CIAO1: variants seen among roughly 807,000 people sequenced by gnomAD.
The protein encoded by CIAO1 is probable cytosolic iron-sulfur protein assembly protein CIAO1.
In CIAO1, 32 loss-of-function variants were observed where a neutral mutation model predicts 43.1. The observed-to-expected ratio is 0.74, with a 90% CI of 0.56 to 1.00. CIAO1 has a LOEUF of 1.00. Among genes scored for constraint, CIAO1 ranks in the 50% least tolerant of loss-of-function variants. CIAO1 has a pLI of 0.00. For synonymous variants in CIAO1, 183 were observed against 171.4 expected, an observed-to-expected ratio of 1.07 and a Z score of -0.53; for missense variants, 415 against 437.4, an observed-to-expected ratio of 0.95 and a Z score of 0.46.
At position 96,268,531 on chromosome 2, in the gene CIAO1, C is replaced by T. The variant is rs1042341646; in HGVS notation, c.564C>T (p.Ala188=). Reference sequence around the variant, plus strand: ...AAGAGGATGACTGGGTATGCTGTGCCACCCTTGAGGGCCATGAATCCACTG... The same window carrying T: ...AAGAGGATGACTGGGTATGCTGTGCTACCCTTGAGGGCCATGAATCCACTG... The part of the protein sequence containing the change: ...REEEDDWVCC[A]TLEGHESTVW... Residue 188 remains alanine, a synonymous_variant, in exon 5 of 7, where the codon GCC becomes GCT. Transcript: ENST00000488633. The T allele has an allele frequency of 2.5e-6, 4 of 1,614,192 alleles. No homozygotes were observed. The South Asian group carries it at 3.3e-5, about 13-fold the overall frequency.
rs1459013350 is a variant in CIAO1 at position 96,270,828 on chromosome 2, AC to A, written c.780-282del. On this transcript the variant is annotated intron_variant, in intron 6 of 6. Transcript: ENST00000488633. Reference sequence around the variant, plus strand: ...CCATCTCAAAAAAAAAAAAAAAAAAACAACTTTATGACATGGGAAACTGCTT... The same window carrying A: ...CCATCTCAAAAAAAAAAAAAAAAAAAAACTTTATGACATGGGAAACTGCTT... Among the ~76,000 whole-genome samples the A allele has an allele frequency of 4.6e-5, 7 of 151,776 alleles. No homozygotes were observed. In the East Asian group the frequency reaches 1.2e-3, roughly 25 times the overall value.
chr2:96,267,400 T>G lies in CIAO1; in HGVS notation c.219T>G (p.Gly73=). ...GGAAGGTAGCCTGGTCCCCCTGCGGTAATTACCTGGCCTCTGCCAGCTTTG... is the reference window on the plus strand; with the variant it reads ...GGAAGGTAGCCTGGTCCCCCTGCGGGAATTACCTGGCCTCTGCCAGCTTTG... ...TVRKVAWSPC[G]NYLASASFDA... The change falls in exon 2 of 7, where the codon GGT becomes GGG. Residue 73 remains glycine (G), a synonymous_variant. Coordinates refer to ENST00000488633, the MANE Select transcript of CIAO1 (RefSeq NM_004804.3). 1 of 1,614,188 alleles carries G rather than the reference T, an allele frequency of 6.2e-7. No individual in the cohort carries two copies. Among genetic ancestry groups the G allele is most frequent in the South Asian group, 1.1e-5 (1 of 91,090 alleles).
Position 96,272,057 on chromosome 2 carries a change from TC to T in CIAO1, c.*707del, listed in dbSNP as rs1684562191. The T allele has an allele frequency of 6.6e-6, 1 of 152,168 alleles. No individual in the cohort carries two copies. Among genetic ancestry groups the T allele is most frequent in the African/African-American group, 2.4e-5 (1 of 41,424 alleles). 9.4% of individuals were successfully genotyped at this position (152,168 alleles called of 1,614,324 possible). ...GTTCTTCAGTAAGGATAAAAAAAAA[TC>T]ACAAGCAGTTGTTTGTGGCCCTCCT... On this transcript the variant is annotated 3_prime_UTR_variant, in exon 7 of 7. Transcript: ENST00000488633.
In CIAO1 at chr2:96,268,059, T is replaced by TA. The variant is rs1483795764; in HGVS notation, c.489+140dup. 13 of 756,514 alleles carry TA rather than the reference T, an allele frequency of 1.7e-5. No individual in the cohort carries two copies. In the East Asian group the frequency reaches 3.5e-4, roughly 20 times the overall value. The allele number at this position is 756,514 out of a possible 1,614,324, so 46.9% of individuals were successfully genotyped here. Reference sequence around the variant, plus strand: ...TGAACAAAAAACATTAGTCCCTTTATAAAAACAGATCCGGCTGGGTGTGGT... The same window carrying TA: ...TGAACAAAAAACATTAGTCCCTTTATAAAAAACAGATCCGGCTGGGTGTGGT... On this transcript the variant is annotated intron_variant, in intron 4 of 6. Transcript: ENST00000488633.
At position 96,273,983 on chromosome 2, in the gene CIAO1, C is replaced by T. The variant is rs1042157786; in HGVS notation, c.*2632C>T. 4.0e-5 allele frequency among the ~76,000 whole-genome samples: 6 copies of T among 151,500 alleles called. No individual in the cohort carries two copies. Among genetic ancestry groups the T allele is most frequent in the African/African-American group, 1.2e-4 (5 of 41,194 alleles). On this transcript the variant is annotated 3_prime_UTR_variant, in exon 7 of 7. Transcript: ENST00000488633. Reference sequence around the variant, plus strand: ...CAGCACTCTGGGAGGCTGAGGTGGGCGGATCACTTGAGCTCAGGAATTCAA... The same window carrying T: ...CAGCACTCTGGGAGGCTGAGGTGGGTGGATCACTTGAGCTCAGGAATTCAA...
intron 1 of CIAO1, 123 bp downstream of exon 1, chr2:96,266,612 A>C (rs371413932): frequency 3.0e-5 from 33 of 1,110,060 alleles, no homozygotes; most frequent in African/African-American, 1.1e-4. Flanking sequence ...GATGTTAGCC[A>C]CGCCGAGAAG....
intron 6 of CIAO1, 60 bp downstream of exon 6, chr2:96,269,415 A>G: frequency 6.7e-7 from 1 of 1,501,976 alleles, no homozygotes; most frequent in Non-Finnish European, 9.3e-7. Flanking sequence ...TAGAGAAGGC[A>G]TACCCTATGC....
chr2:96,274,160 GAAA>G lies in CIAO1; in HGVS notation c.*2820_*2822del, dbSNP rs937618471. On this transcript the variant is annotated 3_prime_UTR_variant, in exon 7 of 7. Coordinates refer to ENST00000488633, the MANE Select transcript of CIAO1 (RefSeq NM_004804.3). ...GAAAAATAAATTTGTTATTTAAAAAGAAAAAAAAAAAAACAAAAACCTGAGTTT... is the reference window on the plus strand; with the variant it reads ...GAAAAATAAATTTGTTATTTAAAAAGAAAAAAAAAACAAAAACCTGAGTTT... Among the ~76,000 whole-genome samples the G allele has an allele frequency of 5.1e-5, 6 of 116,736 alleles. No individual in the cohort carries two copies. Among genetic ancestry groups the G allele is most frequent in the Non-Finnish European group, 9.2e-5 (5 of 54,464 alleles). The allele number at this position is 116,736 out of a possible 152,430, so 76.6% of individuals were successfully genotyped here.
chr2:96,268,378 C>A, intron 4 of CIAO1, 79 bp from the exon 5 acceptor site: 1 of 1,142,842 alleles, frequency 8.8e-7, no homozygotes, highest in Non-Finnish European at 1.3e-6. Context: ...AAAATAAAAG[C>A]AGATACCTGG....
intron 1 of CIAO1, among the ~76,000 whole-genome samples, chr2:96,266,842 A>G (rs970307210): frequency 6.6e-6 from 1 of 152,180 alleles, no homozygotes; most frequent in African/African-American, 2.4e-5. Flanking sequence ...TTTTAGAAAG[A>G]TGCCTCCAGA....
rs533031745 is a variant in CIAO1, at chr2:96,267,801, G to A, written c.401-35G>A. ...ACAGCCCCCTCTGTGTCCCTGACAGGGTCGGCTCTTGGGTCCCCTTTTTCT... is the reference window on the plus strand; with the variant it reads ...ACAGCCCCCTCTGTGTCCCTGACAGAGTCGGCTCTTGGGTCCCCTTTTTCT... On this transcript the variant is annotated intron_variant, in intron 3 of 6. Transcript: ENST00000488633. 4.7e-5 allele frequency: 75 copies of A among 1,612,488 alleles called. No homozygotes were observed. The East Asian group carries it at 1.1e-3, about 23-fold the overall frequency.
intron 1 of CIAO1, among the ~76,000 whole-genome samples, chr2:96,266,726 A>G (rs1272865309): frequency 1.3e-5 from 2 of 152,198 alleles, no homozygotes; most frequent in African/African-American, 4.8e-5. Flanking sequence ...GGAAAATGGG[A>G]AAAGAGAGGT....
chr2:96,267,647 A>C lies in CIAO1; in HGVS notation c.311A>C (p.His104Pro). Residue 104 changes from histidine to proline, a missense_variant, in exon 3 of 7, where the codon CAT (histidine) becomes CCT (proline). His to Pro is a moderately conservative substitution (Grantham distance 77). Coordinates refer to ENST00000488633, the MANE Select transcript of CIAO1 (RefSeq NM_004804.3). The part of the protein sequence containing the change: ...DFECVTTLEG[H>P]ENEVKSVAWA... ...CAGTGTGTAACCACTCTCGAGGGCC[A>C]TGAAAATGAGGTCAAGTCAGTGGCT... is the stretch of plus-strand genomic sequence containing the variant. The C allele has an allele frequency of 6.2e-7, 1 of 1,614,172 alleles. No homozygotes were observed. The highest frequency in any genetic ancestry group is 8.5e-7 in the Non-Finnish European group (1 of 1,180,034).
At chr2:96,268,012 CT>C in intron 4 of CIAO1, 88 bp downstream of exon 4, 1 of 1,086,406 alleles carries the variant, frequency 9.2e-7, no homozygotes, top group Non-Finnish European at 1.4e-6. Flanking sequence ...CTTAATCTAG[CT>C]TTTACGGAGA....
rs1684482595 is a variant in CIAO1 at position 96,268,595 on chromosome 2, G to A, written c.628G>A (p.Ala210Thr). 1 of 1,614,116 alleles carries A rather than the reference G, an allele frequency of 6.2e-7. No individual in the cohort carries two copies. The highest frequency in any genetic ancestry group is 8.5e-7 in the Non-Finnish European group (1 of 1,180,052). ...LAFDPSGQRL[A>T]SCSDDRTVRI... The stretch of plus-strand genomic sequence containing the variant: ...CTTTGACCCGAGTGGCCAGCGCCTG[G>A]CGTCTTGTAGTGATGACCGTACTGT... The change falls in exon 5 of 7, where the codon GCG (alanine) becomes ACG (threonine). Residue 210 changes from alanine to threonine, a missense_variant. Coordinates refer to ENST00000488633, the MANE Select transcript of CIAO1 (RefSeq NM_004804.3).
rs572646525 is a variant in CIAO1 at position 96,269,654 on chromosome 2, T to G, written c.779+299T>G. 2.0e-5 allele frequency among the ~76,000 whole-genome samples: 3 copies of G among 152,200 alleles called. No homozygotes were observed. The East Asian group carries it at 5.8e-4, about 29-fold the overall frequency. ...TCGTGGCTGAGGGTTTTTTTTTGTT[T>G]TTTTGTTTTTTGAGACAGAGTCTCA... On this transcript the variant is annotated intron_variant, in intron 6 of 6. Transcript: ENST00000488633.
chr2:96,267,087 T>G (rs1684446307), intron 1 of CIAO1, among the ~76,000 whole-genome samples: 1 of 145,920 alleles, frequency 6.9e-6, no homozygotes, highest in Admixed American at 7.1e-5. Context: ...TGAGCCGAGA[T>G]TGTGCCATTG....
At position 96,268,668 on chromosome 2, in the gene CIAO1, A is replaced by T. The variant is rs768342930; in HGVS notation, c.691+10A>T. 18 of 1,613,914 alleles carry T rather than the reference A, an allele frequency of 1.1e-5. No individual in the cohort carries two copies. The highest frequency in any genetic ancestry group is 1.5e-5 in the Non-Finnish European group (18 of 1,179,812). On this transcript the variant is annotated intron_variant, in intron 5 of 6. Coordinates refer to ENST00000488633, the MANE Select transcript of CIAO1 (RefSeq NM_004804.3). ...CCAGGCAATGAACAAGGTGAGGTCCATTAGTAGAGCTAAAGAAGACCCATC... is the reference window on the plus strand; with the variant it reads ...CCAGGCAATGAACAAGGTGAGGTCCTTTAGTAGAGCTAAAGAAGACCCATC...
In CIAO1 at chr2:96,267,411, C is replaced by T; in HGVS notation, c.230C>T (p.Ala77Val). 1.2e-6 allele frequency: 2 copies of T among 1,614,182 alleles called. No individual in the cohort carries two copies. Among genetic ancestry groups the T allele is most frequent in the East Asian group, 2.2e-5 (1 of 44,874 alleles). The change falls in exon 2 of 7, where the codon GCC becomes GTC. Residue 77 changes from alanine (A) to valine (V), a missense_variant. By Grantham distance (64) the Ala-to-Val change is moderately conservative. Transcript: ENST00000488633. ...TGGTCCCCCTGCGGTAATTACCTGG[C>T]CTCTGCCAGCTTTGATGCTACCACT... ...VAWSPCGNYL[A>V]SASFDATTCI...
Sources: allele counts gnomAD v4.1 joint callset (sites outside exome capture counted in the v4.1 genomes callset), GRCh38; gene constraint gnomAD v4.1.1; transcripts MANE v1.5; gene names NCBI Gene and HGNC (gene_info 2026-07-23, HGNC 2026-07-21).